Variants in DLG2 observed in about 807,000 individuals in gnomAD.
The protein encoded by DLG2 is disks large homolog 2.
A neutral mutation model predicts 132.5 loss-of-function variants in DLG2; 45 were observed. The observed-to-expected ratio is 0.34, with a 90% CI of 0.27 to 0.44. The LOEUF (loss-of-function observed/expected upper bound fraction) is 0.44, where lower values mean the gene tolerates loss of function less well. Among genes scored for constraint, DLG2 ranks in the 20% least tolerant of loss-of-function variants. The pLI is 1.00. For missense variants in DLG2, 1,045 were observed against 1,196.9 expected, an observed-to-expected ratio of 0.87 and a Z score of 1.87; for synonymous variants, 424 against 419.6, an observed-to-expected ratio of 1.01 and a Z score of -0.13.
intron 25 of DLG2, among the ~76,000 whole-genome samples, chr11:83,468,585 C>A (rs752358764): frequency 1.3e-5 from 2 of 152,188 alleles, no homozygotes; most frequent in African/African-American, 4.8e-5. Context: ...CAACAAATAT[C>A]TTCTCCTATG....
chr11:84,517,057 CTA>C (rs2099275837), intron 7 of DLG2, among the ~76,000 whole-genome samples: 1 of 70,736 alleles, frequency 1.4e-5, no homozygotes, highest in African/African-American at 3.7e-5. Flanking sequence ...ATATTCTATC[CTA>C]AAAAAAAAAA....
At chr11:84,701,000 T>G (rs1018958474) in intron 6 of DLG2, among the ~76,000 whole-genome samples, 2 of 151,416 alleles carry the variant, frequency 1.3e-5, no homozygotes, top group African/African-American at 4.8e-5. Context: ...ATTCTGGCTT[T>G]CAGGATGTAA....
chr11:84,587,686 T>G (rs2099532976), intron 6 of DLG2, among the ~76,000 whole-genome samples: 1 of 152,162 alleles, frequency 6.6e-6, no homozygotes, highest in South Asian at 2.1e-4. Context: ...GCAGGTTTAT[T>G]CCTTGGTCAG....
intron 3 of DLG2, among the ~76,000 whole-genome samples, chr11:85,310,022 C>T (rs946877504): frequency 1.3e-5 from 2 of 152,156 alleles, no homozygotes; most frequent in Non-Finnish European, 2.9e-5. Flanking sequence ...AGCTATAAAC[C>T]ATCCAATTGG....
intron 6 of DLG2, among the ~76,000 whole-genome samples, chr11:84,695,315 A>C (rs1236862244): frequency 6.6e-6 from 1 of 151,570 alleles, no homozygotes; most frequent in African/African-American, 2.4e-5. Flanking sequence ...TTTAGCTTCA[A>C]ACCACTCTGT....
chr11:84,927,916 A>T (rs2047592172), intron 6 of DLG2, among the ~76,000 whole-genome samples: 1 of 151,916 alleles, frequency 6.6e-6, no homozygotes, highest in Non-Finnish European at 1.5e-5. Context: ...AATCAAAAAC[A>T]CTAGGTATGT....
At chr11:84,913,445 A>G (rs2092253908) in intron 6 of DLG2, among the ~76,000 whole-genome samples, 1 of 152,206 alleles carries the variant, frequency 6.6e-6, no homozygotes, top group South Asian at 2.1e-4. Flanking sequence ...CTGAAAAGTA[A>G]TGGTCCAAGA....
At chr11:85,579,284 C>T (rs12362165) in intron 3 of DLG2, among the ~76,000 whole-genome samples, 1 of 152,034 alleles carries the variant, frequency 6.6e-6, no homozygotes, top group Non-Finnish European at 1.5e-5. Context: ...CTAATGGGTA[C>T]TAGGCTTAAT....
chr11:84,833,758 C>A (rs542697604), intron 6 of DLG2, among the ~76,000 whole-genome samples: 24 of 151,704 alleles, frequency 1.6e-4, no homozygotes, highest in Middle Eastern at 6.8e-3. Context: ...CACCTGTTAG[C>A]TCATGCATTA....
intron 3 of DLG2, among the ~76,000 whole-genome samples, chr11:85,393,857 T>A (rs187591335): frequency 6.6e-6 from 1 of 152,156 alleles, no homozygotes; most frequent in East Asian, 1.9e-4. Flanking sequence ...AGCTGAGCTA[T>A]GAGGATGCAA....
intron 3 of DLG2, among the ~76,000 whole-genome samples, chr11:85,508,013 T>A (rs1252732307): frequency 2.0e-5 from 3 of 152,122 alleles, no homozygotes; most frequent in Non-Finnish European, 4.4e-5. Flanking sequence ...CTGAAGCTTG[T>A]GCATGCATCA....
At chr11:83,756,352 G>T (rs2093644414) in intron 18 of DLG2, among the ~76,000 whole-genome samples, 1 of 151,418 alleles carries the variant, frequency 6.6e-6, no homozygotes, top group South Asian at 2.1e-4. Context: ...AATTGGTAAA[G>T]ATATAAGATT....
At chr11:84,221,464 A>AAAT (rs371276817) in intron 8 of DLG2, among the ~76,000 whole-genome samples, 5 of 151,712 alleles carry the variant, frequency 3.3e-5, no homozygotes, top group Admixed American at 6.6e-5. Context: ...ATTCCATCTC[A>AAAT]AATAATAATA....
At chr11:84,720,058 G>A (rs974034942) in intron 6 of DLG2, among the ~76,000 whole-genome samples, 5 of 152,084 alleles carry the variant, frequency 3.3e-5, no homozygotes, top group African/African-American at 1.2e-4. Flanking sequence ...ATCTGCTCTT[G>A]TAGCCTCTGT....
intron 11 of DLG2, among the ~76,000 whole-genome samples, chr11:84,035,845 A>C (rs2095850340): frequency 6.6e-6 from 1 of 152,306 alleles, no homozygotes; most frequent in Admixed American, 6.5e-5. Flanking sequence ...TGGTGAGGAT[A>C]GACTAACAGG....
intron 18 of DLG2, among the ~76,000 whole-genome samples, chr11:83,764,326 C>T (rs2094044599): frequency 6.6e-6 from 1 of 152,128 alleles, no homozygotes; most frequent in South Asian, 2.1e-4. Context: ...CTTCAAAGTG[C>T]TGATGTATCA....
chr11:85,372,424 T>C (rs1221276265), intron 3 of DLG2, among the ~76,000 whole-genome samples: 1 of 152,210 alleles, frequency 6.6e-6, no homozygotes, highest in Non-Finnish European at 1.5e-5. Flanking sequence ...AAGGAGTCCA[T>C]GCAACCCCCC....
At chr11:84,545,406 C>T in intron 6 of DLG2, 1 of 502,480 alleles carries the variant, frequency 2.0e-6, no homozygotes, top group South Asian at 1.6e-5. Flanking sequence ...ACGGCTGCCA[C>T]CAAAGCTACT....
intron 16 of DLG2, among the ~76,000 whole-genome samples, chr11:83,863,899 A>G (rs1378282878): frequency 6.6e-6 from 1 of 152,158 alleles, no homozygotes; most frequent in African/African-American, 2.4e-5. Context: ...AAAGCACTGT[A>G]AGAGAAGGGA....
Sources: gnomAD v4.1 joint callset for allele counts (sites outside exome capture counted in the v4.1 genomes callset) on GRCh38, gnomAD v4.1.1 for gene constraint, MANE v1.5 for transcripts, NCBI Gene and HGNC (gene_info 2026-07-23, HGNC 2026-07-21) for gene names.